The following PKN3 variants were observed in gnomAD, a reference collection of about 807,000 sequenced individuals.
The protein encoded by PKN3 is serine/threonine-protein kinase N3.
A neutral mutation model predicts 113.1 loss-of-function variants in PKN3; 91 were observed. The observed-to-expected ratio is 0.80, with a 90% CI of 0.68 to 0.96. PKN3 has a LOEUF of 0.96. Among genes scored for constraint, PKN3 ranks in the 40% least tolerant of loss-of-function variants. PKN3 has a pLI of 0.00. For synonymous variants in PKN3, 467 were observed against 499.0 expected (o/e 0.94, Z 0.85); for missense variants, 1,052 against 1,202.2 (o/e 0.88, Z 1.85).
intron 6 of PKN3, among the ~76,000 whole-genome samples, chr9:128,711,597 C>CT (rs1196838626): frequency 2.6e-5 from 4 of 151,042 alleles, no homozygotes; most frequent in Non-Finnish European, 5.9e-5. Context: ...CACGCCCGGC[C>CT]TTTTTTTTGG....
At position 128,718,898 on chromosome 9, in the gene PKN3, G is replaced by GTTTTTTTTTTTTTTTTTTTT. The variant is rs1564378313; in HGVS notation, c.2125+276_2125+277insTTTTTTTTTTTTTTTTTTTT. Among the ~76,000 whole-genome samples the GTTTTTTTTTTTTTTTTTTTT allele has an allele frequency of 2.9e-4, 7 of 24,540 alleles. 3 individuals are homozygous for GTTTTTTTTTTTTTTTTTTTT. Among genetic ancestry groups the GTTTTTTTTTTTTTTTTTTTT allele is most frequent in the Non-Finnish European group, 1.8e-4 (2 of 11,210 alleles). The allele number at this position is 24,540 out of a possible 152,430, so 16.1% of individuals were successfully genotyped here. A position where few individuals can be genotyped will look rare whatever the true frequency, so the allele number is the denominator to read the frequency against. On this transcript the variant is annotated intron_variant, in intron 18 of 21. Transcript: ENST00000291906. ...AGTTCTGCCTTCTGTTTTTTTTTTG[G>GTTTTTTTTTTTTTTTTTTTT]TTTGTTTTTTTTTTTGAGACGGAGT...
intron 13 of PKN3, 33 bp downstream of exon 13, chr9:128,714,898 C>T (rs754116698): frequency 1.8e-5 from 29 of 1,586,388 alleles, no homozygotes; most frequent in Admixed American, 5.0e-5. Flanking sequence ...ATGTTTGAGA[C>T]GTTCGTCTGC....
chr9:128,714,169 C>T lies in PKN3; in HGVS notation c.1313-28C>T, dbSNP rs756956586. 6.2e-6 allele frequency: 10 copies of T among 1,613,878 alleles called. No homozygotes were observed. The South Asian group carries it at 8.8e-5, about 14-fold the overall frequency. ...GTGTGAGGGAGCAGGGCTGGGGTCCCGGGACTAAGCTCCCCCTTTTCTCCC... is the reference window on the plus strand; with the variant it reads ...GTGTGAGGGAGCAGGGCTGGGGTCCTGGGACTAAGCTCCCCCTTTTCTCCC... On this transcript the variant is annotated intron_variant, in intron 10 of 21. Coordinates refer to ENST00000291906, the MANE Select transcript of PKN3 (RefSeq NM_013355.5).
chr9:128,706,461 G>A (rs9697210), intron 3 of PKN3, among the ~76,000 whole-genome samples: 17,589 of 152,082 alleles, frequency 0.12, 1,109 homozygotes, highest in Middle Eastern at 0.19. Context: ...CCCCAGCCCT[G>A]ATCTGATGGG....
rs1475793722 is a variant in PKN3 at position 128,713,123 on chromosome 9, G to T, written c.907G>T (p.Ala303Ser). 1 of 1,611,384 alleles carries T rather than the reference G, an allele frequency of 6.2e-7. No individual in the cohort carries two copies. Among genetic ancestry groups the T allele is most frequent in the Middle Eastern group, 1.7e-4 (1 of 6,048 alleles). Residue 303 changes from alanine (A) to serine (S), a missense_variant, in exon 7 of 22, where the codon GCA becomes TCA. Around this residue, in one of 2 missense-constraint regions of PKN3, gnomAD observed 719 missense variants for 759.4 expected, o/e 0.95. Transcript: ENST00000291906. ...CGTGCCTGGGCGCTCCCCAGCGGCC[G>T]CACTGGCCAGCAGCCCCTCCGAGGG... Reference protein sequence around the residue: ...TAVPGRSPAAALASSPSEGWL... With the variant: ...TAVPGRSPAASLASSPSEGWL...
intron 1 of PKN3, chr9:128,704,260 C>A (rs1861942658): frequency 3.4e-6 from 2 of 588,880 alleles, no homozygotes; most frequent in South Asian, 7.4e-5. Context: ...CTGGCTCCAA[C>A]CTGGGTGAAG....
chr9:128,704,155 C>T (rs189901009), intron 1 of PKN3: 6 of 984,772 alleles, frequency 6.1e-6, no homozygotes, highest in East Asian at 2.3e-4. Flanking sequence ...TGCAACAGCC[C>T]GTGTTGCGGG....
intron 1 of PKN3, chr9:128,703,579 G>A: frequency 1.0e-6 from 1 of 985,464 alleles, no homozygotes; most frequent in Middle Eastern, 5.2e-4. Context: ...TCCTGAGGAG[G>A]GAGAGGTGGT....
Position 128,716,886 on chromosome 9 carries a change from C to T in PKN3, c.1948C>T (p.Gln650Ter). 1 of 1,613,964 alleles carries T rather than the reference C, an allele frequency of 6.2e-7. No individual in the cohort carries two copies. The highest frequency in any genetic ancestry group is 2.2e-5 in the East Asian group (1 of 44,848). Reference sequence around the variant, plus strand: ...TGTGCCTGGTGGTGACCTCATGATGCAGATCCACGAGGATGTCTTCCCCGA... The same window carrying T: ...TGTGCCTGGTGGTGACCTCATGATGTAGATCCACGAGGATGTCTTCCCCGA... ...EFVPGGDLMM[Q>*]IHEDVFPEPQ... is the part of the protein sequence containing the mutation. The change falls in exon 16 of 22, where the codon CAG becomes TAG. Residue 650 changes from glutamine (Q) to a stop codon, truncating the protein, a stop_gained. Transcript: ENST00000291906. LOFTEE classifies it high-confidence loss of function.
intron 6 of PKN3, among the ~76,000 whole-genome samples, chr9:128,709,316 G>C (rs1862113611): frequency 6.7e-6 from 1 of 149,662 alleles, no homozygotes; most frequent in East Asian, 2.0e-4. Flanking sequence ...AAATTAGCCA[G>C]GTATGATGGT....
chr9:128,713,262 G>C lies in PKN3; in HGVS notation c.983-16G>C, dbSNP rs368248536. On this transcript the variant is annotated splice_polypyrimidine_tract_variant and intron_variant, in intron 7 of 21. Coordinates refer to ENST00000291906, the MANE Select transcript of PKN3 (RefSeq NM_013355.5). ...CTGCTTCAGGCCTGCCCTGAGTCCC[G>C]GCTCTGGCCCTGCAGGCGAGGTGCT... 2 of 1,613,462 alleles carry C rather than the reference G, an allele frequency of 1.2e-6. No homozygotes were observed. The highest frequency in any genetic ancestry group is 1.7e-6 in the Non-Finnish European group (2 of 1,179,722).
chr9:128,705,561 A>AC lies in PKN3; in HGVS notation c.265+23dup, dbSNP rs1390989338. 1.3e-6 allele frequency: 2 copies of AC among 1,552,226 alleles called. No homozygotes were observed. The highest frequency in any genetic ancestry group is 2.0e-5 in the Admixed American group (1 of 51,220). On this transcript the variant is annotated intron_variant, in intron 2 of 21. Transcript: ENST00000291906. ...CCCAGCTGGTGAGTGAGGAGCTGAGACCCCCTCAGGACAGAAGGCTCTAGG... is the reference window on the plus strand; with the variant it reads ...CCCAGCTGGTGAGTGAGGAGCTGAGACCCCCCTCAGGACAGAAGGCTCTAGG...
chr9:128,714,130 G>GGAAT lies in PKN3; in HGVS notation c.1312+11_1312+14dup. 6.2e-7 allele frequency: 1 copy of GGAAT among 1,614,096 alleles called. No homozygotes were observed. The highest frequency in any genetic ancestry group is 1.1e-5 in the South Asian group (1 of 91,082). On this transcript the variant is annotated intron_variant, in intron 10 of 21. Transcript: ENST00000291906. ...CTTCTCTAAACGCAGAGGTGTGGAG[G>GGAAT]GAATGGGGGCTATGTGTGAGGGAGC...
At chr9:128,704,613 T>G (rs1861952813) in intron 1 of PKN3, among the ~76,000 whole-genome samples, 2 of 152,122 alleles carry the variant, frequency 1.3e-5, no homozygotes, top group Admixed American at 1.3e-4. Flanking sequence ...GGCCTCAGTT[T>G]CCTCACTAGA....
chr9:128,714,672 GC>G lies in PKN3; in HGVS notation c.1584+9del, dbSNP rs775315759. 1 of 1,398,428 alleles carries G rather than the reference GC, an allele frequency of 7.2e-7. No individual in the cohort carries two copies. The highest frequency in any genetic ancestry group is 1.0e-6 in the Non-Finnish European group (1 of 983,814). 86.6% of individuals were successfully genotyped at this position (1,398,428 alleles called of 1,614,324 possible). ...ACATCCGAGGAGACTCCGGTGAGGG[GC>G]TGGAGGGACTAGTGGCTCCTAGGGC... On this transcript the variant is annotated intron_variant, in intron 12 of 21. Coordinates refer to ENST00000291906, the MANE Select transcript of PKN3 (RefSeq NM_013355.5).
intron 12 of PKN3, 56 bp downstream of exon 12, chr9:128,714,720 C>G: frequency 6.8e-7 from 1 of 1,468,670 alleles, no homozygotes. Context: ...GGCAGGGCCA[C>G]CCAGCTGTGG....
rs1312927665 is a variant in PKN3, at chr9:128,709,062, G to T, written c.835+1657G>T. Among the ~76,000 whole-genome samples the T allele has an allele frequency of 2.0e-5, 3 of 152,074 alleles. No individual in the cohort carries two copies. In the East Asian group the frequency reaches 5.8e-4, roughly 29 times the overall value. ...GCACTTTGGGAGGCCGAGGCGGGCG[G>T]ATCACGAGGTCAGGAGATCGAGACC... On this transcript the variant is annotated intron_variant, in intron 6 of 21. Transcript: ENST00000291906.
At position 128,702,723 on chromosome 9, in the gene PKN3, C is replaced by T; in HGVS notation, c.-193C>T. The stretch of plus-strand genomic sequence containing the variant: ...GCGCGGGACCTCGGGCGTGGGGTCC[C>T]GGGCGCTGGATCGGCGCGGACGGGA... On this transcript the variant is annotated 5_prime_UTR_variant, in exon 1 of 22. Coordinates refer to ENST00000291906, the MANE Select transcript of PKN3 (RefSeq NM_013355.5). 2.0e-6 allele frequency: 1 copy of T among 503,254 alleles called. No homozygotes were observed. Among genetic ancestry groups the T allele is most frequent in the Admixed American group, 4.4e-5 (1 of 22,904 alleles). 31.2% of individuals were successfully genotyped at this position (503,254 alleles called of 1,614,324 possible). A position where few individuals can be genotyped will look rare whatever the true frequency, so the allele number is the denominator to read the frequency against.
chr9:128,711,605 TG>T (rs539106530), intron 6 of PKN3, among the ~76,000 whole-genome samples: 25 of 150,212 alleles, frequency 1.7e-4, no homozygotes, highest in African/African-American at 4.7e-4. Context: ...GCCTTTTTTT[TG>T]GGGGGGGTGG....
Sources: allele counts gnomAD v4.1 joint callset (sites outside exome capture counted in the v4.1 genomes callset), GRCh38; gene constraint gnomAD v4.1.1; regional missense constraint gnomAD v4.1.1; transcripts MANE v1.5; gene names NCBI Gene and HGNC (gene_info 2026-07-23, HGNC 2026-07-21).